The following TSHZ1 variants were observed in gnomAD, a reference collection of about 807,000 sequenced individuals.
The protein encoded by TSHZ1 is teashirt zinc finger homeobox 1, also known as teashirt homolog 1.
In TSHZ1, 12 loss-of-function variants were observed where a neutral mutation model predicts 67.1. That is an observed-to-expected ratio of 0.18 (90% CI 0.11 to 0.29). The LOEUF (loss-of-function observed/expected upper bound fraction) is 0.29, where lower values mean the gene tolerates loss of function less well. Ranked by LOEUF, TSHZ1 falls within the 10% of genes least tolerant of loss-of-function variation. TSHZ1 has a pLI of 1.00. For missense variants in TSHZ1, 1,305 were observed against 1,413.9 expected, an observed-to-expected ratio of 0.92 and a Z score of 1.23; for synonymous variants, 632 against 622.4, an observed-to-expected ratio of 1.02 and a Z score of -0.23.
rs1439848743 is a variant in TSHZ1, at chr18:75,252,215, TTCA to T, written c.41-33231_41-33229del. On this transcript the variant is annotated intron_variant, in intron 1 of 1. Transcript: ENST00000580243. ...GTTGGAAGTGTGGTTTTCTCCCACT[TTCA>T]TATTATAAACAGCTGTGTAATTAAT... Among the ~76,000 whole-genome samples, 13 of 152,366 alleles carry T rather than the reference TTCA, an allele frequency of 8.5e-5. No homozygotes were observed. The South Asian group carries it at 1.0e-3, about 12-fold the overall frequency.
intron 1 of TSHZ1, chr18:75,221,285 T>C (rs1022532676): frequency 2.0e-5 from 3 of 152,230 alleles, no homozygotes; most frequent in African/African-American, 4.8e-5. Flanking sequence ...TTTAGAAAAT[T>C]TGGTTATAAA....
intron 1 of TSHZ1, among the ~76,000 whole-genome samples, chr18:75,219,558 T>A (rs1228776669): frequency 6.6e-6 from 1 of 152,226 alleles, no homozygotes; most frequent in African/African-American, 2.4e-5. Flanking sequence ...GTTTTTTTCT[T>A]GCTATAGAAT....
At chr18:75,231,303 TACC>T (rs2022995609) in intron 1 of TSHZ1, among the ~76,000 whole-genome samples, 1 of 152,232 alleles carries the variant, frequency 6.6e-6, no homozygotes, top group African/African-American at 2.4e-5. Context: ...CTTTGCCCAT[TACC>T]ACAACACTGT....
intron 1 of TSHZ1, among the ~76,000 whole-genome samples, chr18:75,221,864 G>A (rs570598269): frequency 6.6e-6 from 1 of 152,230 alleles, no homozygotes; most frequent in South Asian, 2.1e-4. Context: ...CAGCATTACT[G>A]TGCTGTGCAC....
intron 1 of TSHZ1, among the ~76,000 whole-genome samples, chr18:75,261,814 G>A (rs1356382786): frequency 6.6e-6 from 1 of 152,208 alleles, no homozygotes; most frequent in Non-Finnish European, 1.5e-5. Flanking sequence ...GACGTCGGGG[G>A]TGCGTGTTAA....
chr18:75,286,237 A>T lies in TSHZ1; in HGVS notation c.830A>T (p.Asp277Val). The T allele has an allele frequency of 1.2e-6, 2 of 1,614,050 alleles. No individual in the cohort carries two copies. The highest frequency in any genetic ancestry group is 1.7e-6 in the Non-Finnish European group (2 of 1,179,934). ...ETGHYRDDNR[D>V]KDSEKTKRWS... ...GGCCACTACCGTGACGACAACAGGG[A>T]CAAGGACTCCGAGAAGACCAAGAGG... Residue 277 changes from aspartate to valine, a missense_variant, in exon 2 of 2, where the codon GAC (aspartate) becomes GTC (valine). Physicochemically the swap from Asp to Val is radical, Grantham distance 152 (BLOSUM62 -3). Around this residue, in one of 3 missense-constraint regions of TSHZ1, gnomAD observed 358 missense variants for 375.6 expected, o/e 0.95. Coordinates refer to ENST00000580243, the MANE Select transcript of TSHZ1 (RefSeq NM_001308210.2). The surrounding 1 kb of genome is among the most constrained non-coding windows in gnomAD (Gnocchi z 5.1).
chr18:75,258,292 T>C (rs1044910979), intron 1 of TSHZ1, among the ~76,000 whole-genome samples: 1 of 152,212 alleles, frequency 6.6e-6, no homozygotes, highest in African/African-American at 2.4e-5. Flanking sequence ...TATTTTGTAC[T>C]GAAATAACAT....
chr18:75,237,791 C>CTTTCTTTTATTTATTT (rs150217532), intron 1 of TSHZ1, among the ~76,000 whole-genome samples: 20 of 143,498 alleles, frequency 1.4e-4, no homozygotes, highest in East Asian at 2.0e-4. Context: ...TTCTTTCTTT[C>CTTTCTTTTATTTATTT]ATTTATTTAT....
intron 1 of TSHZ1, among the ~76,000 whole-genome samples, chr18:75,263,417 A>G (rs999400699): frequency 6.6e-6 from 1 of 152,222 alleles, no homozygotes; most frequent in Admixed American, 6.5e-5. Context: ...ATCGGTATAA[A>G]TAAGTTATCA....
intron 1 of TSHZ1, among the ~76,000 whole-genome samples, chr18:75,270,008 A>AGTTTTGT (rs1472256142): frequency 6.6e-6 from 1 of 152,242 alleles, no homozygotes; most frequent in African/African-American, 2.4e-5. Context: ...ACCCAAGACC[A>AGTTTTGT]GTTTTGTTGA....
At chr18:75,257,771 C>T (rs1182283483) in intron 1 of TSHZ1, among the ~76,000 whole-genome samples, 2 of 152,174 alleles carry the variant, frequency 1.3e-5, no homozygotes, top group Non-Finnish European at 1.5e-5. Flanking sequence ...AAACGCCAGT[C>T]GTCACGTTAG....
chr18:75,219,857 C>T (rs1032436208), intron 1 of TSHZ1, among the ~76,000 whole-genome samples: 2 of 152,204 alleles, frequency 1.3e-5, no homozygotes, highest in African/African-American at 2.4e-5. Context: ...GCTGAAGGCA[C>T]GCGTAGGTGT....
rs114720473 is a variant in TSHZ1, at chr18:75,267,941, G to A, written c.41-17507G>A. Among the ~76,000 whole-genome samples, 1,049 of 152,284 alleles carry A rather than the reference G, an allele frequency of 6.9e-3. 12 individuals carry two copies. The highest frequency in any genetic ancestry group is 0.024 in the African/African-American group (1,003 of 41,542). ...CTCCCCTCTGAGTCAGCTTCCTTAA[G>A]AAGAAGTGGGTTCGAAGGGGGTTAT... is the stretch of plus-strand genomic sequence containing the variant. On this transcript the variant is annotated intron_variant, in intron 1 of 1. Transcript: ENST00000580243.
In TSHZ1 at chr18:75,211,416, GAA is replaced by G. The variant is rs1218872818; in HGVS notation, c.-459_-458del. ...CAAACAGCGAGGAGAGAGGGGGAGAGAAAGTTGCGCTCGGCGACTCTCGGCTC... is the reference window on the plus strand; with the variant it reads ...CAAACAGCGAGGAGAGAGGGGGAGAGAGTTGCGCTCGGCGACTCTCGGCTC... On this transcript the variant is annotated 5_prime_UTR_variant, in exon 1 of 2. Coordinates refer to ENST00000580243, the MANE Select transcript of TSHZ1 (RefSeq NM_001308210.2). The G allele has an allele frequency of 1.3e-5, 2 of 151,852 alleles. No individual in the cohort carries two copies. Among genetic ancestry groups the G allele is most frequent in the Non-Finnish European group, 2.9e-5 (2 of 67,920 alleles). The allele number at this position is 151,852 out of a possible 1,614,324, so 9.4% of individuals were successfully genotyped here.
Position 75,286,223 on chromosome 18 carries a change from TGAC to T in TSHZ1, c.820_822del (p.Asp274del). The T allele has an allele frequency of 6.2e-7, 1 of 1,613,852 alleles. No individual in the cohort carries two copies. Among genetic ancestry groups the T allele is most frequent in the Non-Finnish European group, 8.5e-7 (1 of 1,179,914 alleles). On this transcript the variant is annotated inframe_deletion, in exon 2 of 2. Transcript: ENST00000580243. The surrounding 1 kb of genome is among the most constrained non-coding windows in gnomAD (Gnocchi z 5.1). Reference sequence around the variant, plus strand: ...ACATGAACGAGACAGGCCACTACCGTGACGACAACAGGGACAAGGACTCCGAGA... The same window carrying T: ...ACATGAACGAGACAGGCCACTACCGTGACAACAGGGACAAGGACTCCGAGA...
Position 75,211,863 on chromosome 18 carries a change from G to A in TSHZ1, c.-14G>A. On this transcript the variant is annotated 5_prime_UTR_variant, in exon 1 of 2. Transcript: ENST00000580243. ...CGGCGGCGGCTGAGGCGACGGCTGCGGCGGCCGAGCAGCATGCCGAGGAGG... is the reference window on the plus strand; with the variant it reads ...CGGCGGCGGCTGAGGCGACGGCTGCAGCGGCCGAGCAGCATGCCGAGGAGG... 8.5e-7 allele frequency: 1 copy of A among 1,177,068 alleles called. No homozygotes were observed. Among genetic ancestry groups the A allele is most frequent in the Non-Finnish European group, 1.0e-6 (1 of 952,876 alleles). 72.9% of individuals were successfully genotyped at this position (1,177,068 alleles called of 1,614,324 possible). A position where few individuals can be genotyped will look rare whatever the true frequency, so the allele number is the denominator to read the frequency against.
At chr18:75,236,301 T>G (rs2023070190) in intron 1 of TSHZ1, among the ~76,000 whole-genome samples, 1 of 152,112 alleles carries the variant, frequency 6.6e-6, no homozygotes, top group South Asian at 2.1e-4. Flanking sequence ...CAGACCCAAT[T>G]CTAACAGGTT....
In TSHZ1 at chr18:75,225,378, C is replaced by T. The variant is rs559555624; in HGVS notation, c.40+13462C>T. 1.2e-3 allele frequency among the ~76,000 whole-genome samples: 180 copies of T among 152,338 alleles called. 1 individual carries two copies. Among genetic ancestry groups the T allele is most frequent in the African/African-American group, 3.9e-3 (162 of 41,572 alleles). On this transcript the variant is annotated intron_variant, in intron 1 of 1. Transcript: ENST00000580243. Reference sequence around the variant, plus strand: ...GAGGCCTGGCGGTAGGTGAGCATGGCGTGGAGCTCGCGGGAGAGTTGGAGA... The same window carrying T: ...GAGGCCTGGCGGTAGGTGAGCATGGTGTGGAGCTCGCGGGAGAGTTGGAGA...
chr18:75,283,700 G>A (rs752069861), intron 1 of TSHZ1: 4 of 152,266 alleles, frequency 2.6e-5, no homozygotes, highest in African/African-American at 9.7e-5. Flanking sequence ...CGATTCAGTC[G>A]TCTCTCATTG....
Sources: allele counts gnomAD v4.1 joint callset (sites outside exome capture counted in the v4.1 genomes callset), GRCh38; gene constraint gnomAD v4.1.1; regional missense constraint gnomAD v4.1.1; non-coding constraint Gnocchi (gnomAD v3.1); transcripts MANE v1.5; gene names NCBI Gene and HGNC (gene_info 2026-07-23, HGNC 2026-07-21).